The following MISP variants were observed in gnomAD, a reference collection of about 807,000 sequenced individuals.
MISP encodes the protein mitotic spindle positioning, also known as mitotic interactor and substrate of PLK1.
A neutral mutation model predicts 49.3 loss-of-function variants in MISP; 51 were observed. The ratio of observed to expected loss-of-function variants is 1.03; its 90% CI spans 0.83 to 1.31. The LOEUF (loss-of-function observed/expected upper bound fraction) is 1.31. Among genes scored for constraint, MISP ranks in the 50% most tolerant of loss-of-function variants. The pLI is 0.00. For synonymous variants in MISP, 444 were observed against 392.6 expected, an observed-to-expected ratio of 1.13 and a Z score of -1.55; for missense variants, 1,084 against 935.1, an observed-to-expected ratio of 1.16 and a Z score of -2.08.
chr19:759,566 AT>A (rs1363629542), intron 2 of MISP, among the ~76,000 whole-genome samples: 7 of 151,258 alleles, frequency 4.6e-5, no homozygotes, highest in South Asian at 2.1e-4. Context: ...CGCCTGGCTA[AT>A]TTTTTTGTAT....
intron 4 of MISP, among the ~76,000 whole-genome samples, chr19:762,905 C>T (rs565095487): frequency 9.2e-5 from 14 of 152,228 alleles, no homozygotes; most frequent in Non-Finnish European, 1.8e-4. Flanking sequence ...TTCCTGCATT[C>T]AAGGGATCCT....
chr19:750,173 C>T (rs8104762), upstream of MISP, among the ~76,000 whole-genome samples: 61,003 of 144,926 alleles, frequency 0.42, 13,592 homozygotes, highest in Non-Finnish European at 0.51. Flanking sequence ...GGTCTTTTGA[C>T]GGCCTCGTGC....
intron 1 of MISP, among the ~76,000 whole-genome samples, chr19:753,073 C>T (rs1179436478): frequency 6.6e-6 from 1 of 152,174 alleles, no homozygotes; most frequent in African/African-American, 2.4e-5. Flanking sequence ...CTGACGGTTT[C>T]GGGTGGGAGA....
chr19:748,569 G>C (rs1285738243), upstream of MISP, among the ~76,000 whole-genome samples: 1 of 152,134 alleles, frequency 6.6e-6, no homozygotes. Context: ...GGCTTCCCGG[G>C]GGGCCCTCGG....
Position 760,299 on chromosome 19 carries a change from A to G in MISP, c.1911+260A>G, listed in dbSNP as rs575782486. ...GAGGTCATCTCCAGGATCAAAGACC[A>G]AAGGACCAACTCTGCTTGGAGGAGG... On this transcript the variant is annotated intron_variant, in intron 3 of 4. Coordinates refer to ENST00000215582, the MANE Select transcript of MISP (RefSeq NM_173481.4). The G allele has an allele frequency of 2.7e-5, 11 of 412,614 alleles. No homozygotes were observed. In the Admixed American group the frequency reaches 3.7e-4, roughly 14 times the overall value. 25.6% of individuals were successfully genotyped at this position (412,614 alleles called of 1,614,324 possible).
chr19:759,838 C>G (rs2033643093), intron 2 of MISP, 71 bp from the exon 3 acceptor site: 1 of 1,572,930 alleles, frequency 6.4e-7, no homozygotes, highest in African/African-American at 1.3e-5. Context: ...TAGCTGCTGG[C>G]TAGAGACTCT....
In MISP at chr19:758,647, T is replaced by C. The variant is rs1456097512; in HGVS notation, c.1701T>C (p.Asn567=). ...REQEVAEERR[N]ALFPEVFSPT... is the part of the protein sequence containing the mutation. ...AAGAGGTGGCAGAGGAGCGGAGAAA[T>C]GCTCTCTTCCCAGAGGTCTTCTCCC... The change falls in exon 2 of 5, where the codon AAT becomes AAC. Residue 567 remains asparagine (N), a synonymous_variant. Transcript: ENST00000215582. 1.2e-6 allele frequency: 2 copies of C among 1,614,120 alleles called. No homozygotes were observed. Among genetic ancestry groups the C allele is most frequent in the Non-Finnish European group, 1.7e-6 (2 of 1,180,014 alleles).
chr19:753,051 G>C (rs1369105567), intron 1 of MISP, among the ~76,000 whole-genome samples: 1 of 152,226 alleles, frequency 6.6e-6, no homozygotes, highest in Non-Finnish European at 1.5e-5. Context: ...GCAGGCGAGA[G>C]CGAGGCCTGG....
chr19:760,325 A>T, intron 3 of MISP: 2 of 264,402 alleles, frequency 7.6e-6, no homozygotes, highest in Non-Finnish European at 1.4e-5. Context: ...TTGGAGGAGG[A>T]GGACACTGGC....
chr19:763,739 A>G lies in MISP; in HGVS notation c.*149A>G. 1.6e-6 allele frequency: 1 copy of G among 609,998 alleles called. No homozygotes were observed. The highest frequency in any genetic ancestry group is 2.9e-6 in the Non-Finnish European group (1 of 342,814). The allele number at this position is 609,998 out of a possible 1,614,324, so 37.8% of individuals were successfully genotyped here. A position where few individuals can be genotyped will look rare whatever the true frequency, so the allele number is the denominator to read the frequency against. ...CTGCCAACAATCCCACCATGGGCAC[A>G]TTTGGGACTGTTGGGTTTTTCGTTT... On this transcript the variant is annotated 3_prime_UTR_variant, in exon 5 of 5. Transcript: ENST00000215582.
intron 1 of MISP, among the ~76,000 whole-genome samples, chr19:752,878 T>C (rs11882442): frequency 0.2 from 30,709 of 152,206 alleles, 3,727 homozygotes; most frequent in Middle Eastern, 0.33. Context: ...TGCCCAGCCC[T>C]TCAGGGCCAG....
In MISP at chr19:763,746, A is replaced by G. The variant is rs1324009381; in HGVS notation, c.*156A>G. On this transcript the variant is annotated 3_prime_UTR_variant, in exon 5 of 5. Coordinates refer to ENST00000215582, the MANE Select transcript of MISP (RefSeq NM_173481.4). The stretch of plus-strand genomic sequence containing the variant: ...CAATCCCACCATGGGCACATTTGGG[A>G]CTGTTGGGTTTTTCGTTTCCGTTTC... The G allele has an allele frequency of 2.7e-5, 16 of 598,410 alleles. No individual in the cohort carries two copies. Among genetic ancestry groups the G allele is most frequent in the Non-Finnish European group, 4.5e-5 (15 of 336,834 alleles). 37.1% of individuals were successfully genotyped at this position (598,410 alleles called of 1,614,324 possible).
chr19:755,383 G>A (rs1384643417), intron 1 of MISP, among the ~76,000 whole-genome samples: 1 of 152,222 alleles, frequency 6.6e-6, no homozygotes, highest in Non-Finnish European at 1.5e-5. Flanking sequence ...CGGGGATGTT[G>A]TCTCAGATGG....
chr19:759,997 A>G lies in MISP; in HGVS notation c.1869A>G (p.Pro623=). The G allele has an allele frequency of 2.5e-6, 4 of 1,614,020 alleles. No individual in the cohort carries two copies. Among genetic ancestry groups the G allele is most frequent in the Non-Finnish European group, 2.5e-6 (3 of 1,179,942 alleles). The change falls in exon 3 of 5, where the codon CCA becomes CCG. Residue 623 remains proline, a synonymous_variant. Coordinates refer to ENST00000215582, the MANE Select transcript of MISP (RefSeq NM_173481.4). ...ACGTGGCGTGGACAGTGGAAGATCC[A>G]GTGGACAGTGCTCCTCCCGGGCAGA... The part of the protein sequence containing the change: ...HSNVAWTVED[P]VDSAPPGQRK...
Position 758,006 on chromosome 19 carries a change from G to C in MISP, c.1060G>C (p.Asp354His). ...RGRPSLYVQR[D>H]IVQETQREED... Reference sequence around the variant, plus strand: ...GCGCCCGTCCCTCTACGTGCAGCGGGACATAGTACAGGAGACACAGCGTGA... The same window carrying C: ...GCGCCCGTCCCTCTACGTGCAGCGGCACATAGTACAGGAGACACAGCGTGA... The change falls in exon 2 of 5, where the codon GAC (aspartate) becomes CAC (histidine). Residue 354 changes from aspartate (D) to histidine (H), a missense_variant. Asp to His is a moderately conservative substitution (Grantham distance 81). Coordinates refer to ENST00000215582, the MANE Select transcript of MISP (RefSeq NM_173481.4). The C allele has an allele frequency of 6.4e-7, 1 of 1,573,710 alleles. No individual in the cohort carries two copies. The highest frequency in any genetic ancestry group is 8.6e-7 in the Non-Finnish European group (1 of 1,164,136).
intron 3 of MISP, chr19:760,304 A>G (rs62131317): frequency 0.2 from 72,911 of 365,354 alleles, 8,552 homozygotes; most frequent in East Asian, 0.39. Flanking sequence ...AGACCAAAGG[A>G]CCAACTCTGC....
Position 758,582 on chromosome 19 carries a change from C to G in MISP, c.1636C>G (p.Leu546Val). ...LRLQKSQSSD[L>V]LERERESVLR... Reference sequence around the variant, plus strand: ...GCTGCAGAAGTCCCAGTCATCTGATCTGCTGGAAAGGGAGAGGGAGAGTGT... The same window carrying G: ...GCTGCAGAAGTCCCAGTCATCTGATGTGCTGGAAAGGGAGAGGGAGAGTGT... The change falls in exon 2 of 5, where the codon CTG (leucine) becomes GTG (valine). Residue 546 changes from leucine (L) to valine (V), a missense_variant. Transcript: ENST00000215582. The G allele has an allele frequency of 6.2e-7, 1 of 1,614,236 alleles. No individual in the cohort carries two copies. Among genetic ancestry groups the G allele is most frequent in the Non-Finnish European group, 8.5e-7 (1 of 1,180,038 alleles).
intron 4 of MISP, among the ~76,000 whole-genome samples, chr19:762,783 C>G (rs2033694159): frequency 6.6e-6 from 1 of 152,124 alleles, no homozygotes; most frequent in Non-Finnish European, 1.5e-5. Context: ...CTCAGCCTCC[C>G]AAGTAGGAAC....
chr19:758,160 C>T lies in MISP; in HGVS notation c.1214C>T (p.Ala405Val), dbSNP rs1412306685. The stretch of plus-strand genomic sequence containing the variant: ...TCCATCCTCAGCCCGGCCCCAGATG[C>T]CCGTGCGGCCGACCCAGCTCCAGAA... Reference protein sequence around the residue: ...SDSILSPAPDARAADPAPEVR... With the variant: ...SDSILSPAPDVRAADPAPEVR... The change falls in exon 2 of 5, where the codon GCC (alanine) becomes GTC (valine). Residue 405 changes from alanine to valine, a missense_variant. Transcript: ENST00000215582. 6 of 1,612,360 alleles carry T rather than the reference C, an allele frequency of 3.7e-6. No homozygotes were observed. The highest frequency in any genetic ancestry group is 5.1e-6 in the Non-Finnish European group (6 of 1,179,668).
Sources: gnomAD v4.1 joint callset for allele counts (sites outside exome capture counted in the v4.1 genomes callset) on GRCh38, gnomAD v4.1.1 for gene constraint, MANE v1.5 for transcripts, NCBI Gene and HGNC (gene_info 2026-07-23, HGNC 2026-07-21) for gene names.